Variants in KIAA1217 observed in about 807,000 individuals in gnomAD.
The protein encoded by KIAA1217 is KIAA1217.
Under a neutral mutation model 163.9 loss-of-function variants are expected in KIAA1217, and 88 were observed. That is an observed-to-expected ratio of 0.54 (90% confidence interval 0.45 to 0.64). The LOEUF (loss-of-function observed/expected upper bound fraction) is 0.64. KIAA1217 is among the 30% of genes least tolerant of loss of function. The pLI, the probability that KIAA1217 is intolerant of heterozygous loss-of-function variation, is 0.00. For missense variants in KIAA1217, 2,372 were observed against 2,475.0 expected, an observed-to-expected ratio of 0.96 and a Z score of 0.88; for synonymous variants, 903 against 923.1, an observed-to-expected ratio of 0.98 and a Z score of 0.39.
intron 1 of KIAA1217, among the ~76,000 whole-genome samples, chr10:23,928,498 A>T (rs1411087281): frequency 6.6e-6 from 1 of 152,178 alleles, no homozygotes; most frequent in Non-Finnish European, 1.5e-5. Context: ...TCATTCATTT[A>T]ATAAGTAGTT....
intron 2 of KIAA1217, among the ~76,000 whole-genome samples, chr10:24,105,149 A>G (rs755680094): frequency 6.6e-6 from 1 of 152,122 alleles, no homozygotes. Flanking sequence ...GAATATAAGT[A>G]TGGAGTCCTA....
At chr10:23,747,294 G>A (rs1195168377) in intron 1 of KIAA1217, among the ~76,000 whole-genome samples, 1 of 152,196 alleles carries the variant, frequency 6.6e-6, no homozygotes, top group Non-Finnish European at 1.5e-5. Context: ...GTCCAGGGAA[G>A]TATTGGCATT....
chr10:24,210,522 T>C (rs904950148), intron 1 of KIAA1217, among the ~76,000 whole-genome samples: 2 of 133,142 alleles, frequency 1.5e-5, no homozygotes, highest in African/African-American at 5.6e-5. Context: ...ATTCAACCTC[T>C]GGGCCTGTCC....
chr10:24,266,365 C>T (rs1054052677), intron 2 of KIAA1217, among the ~76,000 whole-genome samples: 1 of 152,200 alleles, frequency 6.6e-6, no homozygotes, highest in African/African-American at 2.4e-5. Context: ...AGGCGTGAGC[C>T]ACCATGCTCG....
At chr10:24,504,307 G>A (rs539652585) in intron 9 of KIAA1217, among the ~76,000 whole-genome samples, 2 of 152,284 alleles carry the variant, frequency 1.3e-5, no homozygotes, top group East Asian at 3.9e-4. Flanking sequence ...TTTTGAGCCT[G>A]GGAAGTTGGG....
chr10:24,090,570 T>C (rs2061901339), intron 2 of KIAA1217, among the ~76,000 whole-genome samples: 2 of 151,518 alleles, frequency 1.3e-5, no homozygotes, highest in Non-Finnish European at 1.5e-5. Flanking sequence ...AAGTCTCTGC[T>C]TTCCAGTTTT....
chr10:23,809,777 T>A (rs994216041), intron 1 of KIAA1217, among the ~76,000 whole-genome samples: 1 of 152,034 alleles, frequency 6.6e-6, no homozygotes, highest in African/African-American at 2.4e-5. Flanking sequence ...ATCAAAAAAA[T>A]TTAATACCAA....
At chr10:24,432,163 G>A (rs1016448952) in intron 3 of KIAA1217, among the ~76,000 whole-genome samples, 3 of 121,816 alleles carry the variant, frequency 2.5e-5, no homozygotes, top group East Asian at 2.5e-4. Context: ...TTACTCTATC[G>A]CCCAGGCTGG....
Position 24,531,882 on chromosome 10 carries a change from C to CCCTCCTCCTCCGCCA in KIAA1217, c.3143_3157dup (p.Pro1048_Pro1052dup). 6.2e-7 allele frequency: 1 copy of CCCTCCTCCTCCGCCA among 1,608,662 alleles called. No homozygotes were observed. The highest frequency in any genetic ancestry group is 8.5e-7 in the Non-Finnish European group (1 of 1,176,830). On this transcript the variant is annotated inframe_insertion, in exon 15 of 21. Coordinates refer to ENST00000376454, the MANE Select transcript of KIAA1217 (RefSeq NM_019590.5). ...TGGAAAAGCTGGGGGGAAAGTCGCC[C>CCCTCCTCCTCCGCCA]CCTCCTCCTCCGCCACCTCCTCGTC...
intron 2 of KIAA1217, among the ~76,000 whole-genome samples, chr10:24,111,080 T>C (rs2062826623): frequency 6.6e-6 from 1 of 152,224 alleles, no homozygotes; most frequent in Non-Finnish European, 1.5e-5. Flanking sequence ...AGTAGTTATA[T>C]TTGATGTTAG....
chr10:23,865,147 G>T (rs1840126040), intron 1 of KIAA1217, among the ~76,000 whole-genome samples: 1 of 151,994 alleles, frequency 6.6e-6, no homozygotes. Flanking sequence ...CACCAACAAG[G>T]TAACATTGAC....
rs150217592 is a variant in KIAA1217, at chr10:24,349,840, T to G, written c.355-31029T>G. On this transcript the variant is annotated intron_variant, in intron 2 of 20. Coordinates refer to ENST00000376454, the MANE Select transcript of KIAA1217 (RefSeq NM_019590.5). ...AGTAGAGATTGTTGGCAAGTTCATG[T>G]ATAATCATGGTCAGCAGAAAAGAAA... is the stretch of plus-strand genomic sequence containing the variant. Among the ~76,000 whole-genome samples the G allele has an allele frequency of 1.7e-3, 259 of 152,344 alleles. 1 individual carries two copies. Among genetic ancestry groups the G allele is most frequent in the African/African-American group, 5.8e-3 (243 of 41,584 alleles).
intron 1 of KIAA1217, among the ~76,000 whole-genome samples, chr10:23,921,937 G>T (rs948486067): frequency 6.6e-6 from 1 of 152,064 alleles, no homozygotes; most frequent in Admixed American, 6.6e-5. Context: ...GTGTCTTTTT[G>T]TGTGCTAATG....
At chr10:24,312,698 T>G (rs1328831662) in intron 2 of KIAA1217, among the ~76,000 whole-genome samples, 1 of 151,144 alleles carries the variant, frequency 6.6e-6, no homozygotes, top group East Asian at 2.0e-4. Flanking sequence ...GGAGGATTGC[T>G]TGAGTCCAGG....
At chr10:24,412,400 A>G (rs1412283078) in intron 3 of KIAA1217, among the ~76,000 whole-genome samples, 1 of 152,164 alleles carries the variant, frequency 6.6e-6, no homozygotes, top group Non-Finnish European at 1.5e-5. Flanking sequence ...GGGATTATCT[A>G]AAAGCACTGT....
At chr10:24,220,754 C>CTT (rs58991505) in intron 2 of KIAA1217, among the ~76,000 whole-genome samples, 58 of 74,140 alleles carry the variant, frequency 7.8e-4, no homozygotes, top group East Asian at 8.3e-4. Flanking sequence ...GCACCCCGGC[C>CTT]TTTTTTTTTT....
At chr10:24,135,432 C>T (rs1217993974) in intron 2 of KIAA1217, among the ~76,000 whole-genome samples, 1 of 151,888 alleles carries the variant, frequency 6.6e-6, no homozygotes, top group Non-Finnish European at 1.5e-5. Context: ...CTGGGATTGG[C>T]GTGGGGACTG....
chr10:23,961,082 A>C (rs1433203609), intron 1 of KIAA1217, among the ~76,000 whole-genome samples: 1 of 152,226 alleles, frequency 6.6e-6, no homozygotes, highest in Non-Finnish European at 1.5e-5. Context: ...AACACTTTAA[A>C]GGTAGGAATT....
intron 1 of KIAA1217, among the ~76,000 whole-genome samples, chr10:23,985,393 T>C (rs1399315020): frequency 6.6e-6 from 1 of 152,204 alleles, no homozygotes; most frequent in African/African-American, 2.4e-5. Context: ...AGGAACTAAC[T>C]CATTCTGCCA....
Sources: allele counts gnomAD v4.1 joint callset (sites outside exome capture counted in the v4.1 genomes callset), GRCh38; gene constraint gnomAD v4.1.1; transcripts MANE v1.5; gene names NCBI Gene and HGNC (gene_info 2026-07-23, HGNC 2026-07-21).